METAP2: variants seen among roughly 807,000 people sequenced by gnomAD.
METAP2 encodes methionine aminopeptidase 2.
METAP2 carries 25 observed loss-of-function variants against 59.4 expected under a neutral mutation model. That is an observed-to-expected ratio of 0.42 (90% CI 0.31 to 0.59). The LOEUF (loss-of-function observed/expected upper bound fraction) is 0.59, where lower values mean the gene tolerates loss of function less well. Among genes scored for constraint, METAP2 ranks in the 20% least tolerant of loss-of-function variants. METAP2 has a pLI of 0.16. For missense variants in METAP2, 366 were observed against 581.2 expected (o/e 0.63, Z 3.81); for synonymous variants, 214 against 194.1 (o/e 1.10, Z -0.85).
chr12:95,513,786 T>C lies in METAP2; in HGVS notation c.1319T>C (p.Ile440Thr). The change falls in exon 11 of 11, where the codon ATT (isoleucine) becomes ACT (threonine). Residue 440 changes from isoleucine (I) to threonine (T), a missense_variant. By Grantham distance (89) the Ile-to-Thr change is moderately conservative. This residue lies in a region of METAP2 where 82 missense variants were observed against 156.2 expected (regional missense o/e 0.52). Coordinates refer to ENST00000323666, the MANE Select transcript of METAP2 (RefSeq NM_006838.4). ...MALKNLCDLG[I>T]VDPYPPLCDI... Reference sequence around the variant, plus strand: ...CTGAAGAATCTGTGTGACTTGGGCATTGTAGATCCATATCCACCATTATGT... The same window carrying C: ...CTGAAGAATCTGTGTGACTTGGGCACTGTAGATCCATATCCACCATTATGT... 1 of 1,614,236 alleles carries C rather than the reference T, an allele frequency of 6.2e-7. No homozygotes were observed. The highest frequency in any genetic ancestry group is 8.5e-7 in the Non-Finnish European group (1 of 1,180,044).
chr12:95,486,681 G>A (rs921747419), intron 4 of METAP2, among the ~76,000 whole-genome samples: 9 of 152,162 alleles, frequency 5.9e-5, no homozygotes, highest in African/African-American at 2.2e-4. Flanking sequence ...ATTTTTAATA[G>A]AGACGGGGTT....
chr12:95,485,330 A>G (rs1321271731), intron 3 of METAP2, among the ~76,000 whole-genome samples: 1 of 152,176 alleles, frequency 6.6e-6, no homozygotes, highest in African/African-American at 2.4e-5. Context: ...TAATTTATGC[A>G]CAATATAAAA....
intron 4 of METAP2, among the ~76,000 whole-genome samples, chr12:95,490,519 C>T (rs191652813): frequency 8.8e-4 from 133 of 150,318 alleles, no homozygotes; most frequent in African/African-American, 3.1e-3. Flanking sequence ...TGAGTGTATC[C>T]AGATGACTGT....
chr12:95,497,762 G>GT (rs1197932671), intron 7 of METAP2, among the ~76,000 whole-genome samples: 3 of 151,886 alleles, frequency 2.0e-5, no homozygotes, highest in East Asian at 1.9e-4. Flanking sequence ...GTTTTTGTTT[G>GT]TTTTTTGTTT....
At chr12:95,479,008 G>A (rs1401700945) in intron 2 of METAP2, among the ~76,000 whole-genome samples, 1 of 152,142 alleles carries the variant, frequency 6.6e-6, no homozygotes, top group African/African-American at 2.4e-5. Flanking sequence ...GGGGGCTTCA[G>A]TATGCTACGA....
At chr12:95,499,862 AG>A (rs1172753870) in intron 7 of METAP2, among the ~76,000 whole-genome samples, 1 of 152,204 alleles carries the variant, frequency 6.6e-6, no homozygotes, top group Non-Finnish European at 1.5e-5. Flanking sequence ...ACATGGCAGC[AG>A]GAGAGAGAAC....
intron 1 of METAP2, 30 bp downstream of exon 1, chr12:95,474,360 C>T (rs1171785929): frequency 4.3e-6 from 7 of 1,609,638 alleles, no homozygotes; most frequent in Non-Finnish European, 5.9e-6. Context: ...TTCCCAGTCC[C>T]CTCCGGGAAC....
At chr12:95,482,582 C>T (rs2076166634) in intron 2 of METAP2, among the ~76,000 whole-genome samples, 1 of 149,536 alleles carries the variant, frequency 6.7e-6, no homozygotes, top group Non-Finnish European at 1.5e-5. Context: ...AGTTCGAGAC[C>T]AGCCTGGTCA....
chr12:95,486,070 CACT>C, intron 4 of METAP2, 89 bp downstream of exon 4: 1 of 899,834 alleles, frequency 1.1e-6, no homozygotes, highest in Non-Finnish European at 1.7e-6. Flanking sequence ...AACTTTGCTC[CACT>C]ACTTTAATAA....
intron 8 of METAP2, among the ~76,000 whole-genome samples, chr12:95,506,704 C>T (rs888183014): frequency 6.6e-6 from 1 of 152,116 alleles, no homozygotes; most frequent in Non-Finnish European, 1.5e-5. Flanking sequence ...TAATTCTTCT[C>T]TCATCTATAT....
At chr12:95,491,082 CTTTT>C (rs11329335) in intron 4 of METAP2, among the ~76,000 whole-genome samples, 1 of 134,468 alleles carries the variant, frequency 7.4e-6, no homozygotes, top group African/African-American at 2.8e-5. Context: ...ACAGCCAACT[CTTTT>C]TTTTTTTTTT....
Position 95,498,144 on chromosome 12 carries a change from A to C in METAP2, c.867+2046A>C, listed in dbSNP as rs556882308. Among the ~76,000 whole-genome samples, 1,387 of 151,762 alleles carry C rather than the reference A, an allele frequency of 9.1e-3. 26 individuals carry two copies. The highest frequency in any genetic ancestry group is 0.032 in the African/African-American group (1,325 of 41,406). On this transcript the variant is annotated intron_variant, in intron 7 of 10. Transcript: ENST00000323666. The stretch of plus-strand genomic sequence containing the variant: ...CGAGACTCCATCTCAAAAAAAAAAA[A>C]AAACAGTAGAGATTGGGGGTGTTGC...
chr12:95,505,431 G>C (rs1412035292), intron 8 of METAP2, among the ~76,000 whole-genome samples: 2 of 151,414 alleles, frequency 1.3e-5, no homozygotes, highest in Non-Finnish European at 2.9e-5. Context: ...GGGTTCAAGC[G>C]ATTCTGCCTC....
intron 1 of METAP2, 147 bp downstream of exon 1, chr12:95,474,477 A>G: frequency 1.2e-6 from 1 of 812,692 alleles, no homozygotes; most frequent in Non-Finnish European, 1.9e-6. Context: ...CGGGCTATAG[A>G]TTCCTAGTCT....
At position 95,494,075 on chromosome 12, in the gene METAP2, A is replaced by G. The variant is rs2076259270; in HGVS notation, c.448A>G (p.Thr150Ala). 1 of 1,613,980 alleles carries G rather than the reference A, an allele frequency of 6.2e-7. No individual in the cohort carries two copies. The highest frequency in any genetic ancestry group is 2.2e-5 in the East Asian group (1 of 44,848). ...TQDGRTAAWRTTSEEKKALDQ... is the reference protein window; with the variant it reads ...TQDGRTAAWRATSEEKKALDQ... ...CTAAAGGCGAACAGCTGCTTGGAGA[A>G]CTACAAGTGAAGAAAAGAAAGCATT... Residue 150 changes from threonine (T) to alanine (A), a missense_variant, in exon 5 of 11, where the codon ACT (threonine) becomes GCT (alanine). Transcript: ENST00000323666.
chr12:95,495,213 T>C, intron 6 of METAP2, 75 bp downstream of exon 6: 1 of 1,280,620 alleles, frequency 7.8e-7, no homozygotes, highest in Non-Finnish European at 1.1e-6. Flanking sequence ...AATGGAGTGA[T>C]AAATACTGAA....
At chr12:95,497,096 A>C (rs1301668212) in intron 7 of METAP2, among the ~76,000 whole-genome samples, 1 of 152,118 alleles carries the variant, frequency 6.6e-6, no homozygotes, top group Admixed American at 6.5e-5. Context: ...AAGTGCTGGG[A>C]TTACAGGCGT....
intron 2 of METAP2, among the ~76,000 whole-genome samples, chr12:95,479,999 A>G (rs2076147392): frequency 6.6e-6 from 1 of 152,200 alleles, no homozygotes; most frequent in Non-Finnish European, 1.5e-5. Context: ...GATACAGACT[A>G]TTTCCATTTA....
intron 4 of METAP2, among the ~76,000 whole-genome samples, chr12:95,488,469 A>C (rs1295199792): frequency 1.4e-5 from 2 of 144,604 alleles, no homozygotes; most frequent in African/African-American, 5.3e-5. Context: ...AGATTGCACC[A>C]CTGCACTACA....
Sources: allele counts gnomAD v4.1 joint callset (sites outside exome capture counted in the v4.1 genomes callset), GRCh38; gene constraint gnomAD v4.1.1; regional missense constraint gnomAD v4.1.1; transcripts MANE v1.5; gene names NCBI Gene and HGNC (gene_info 2026-07-23, HGNC 2026-07-21).